B4GALT5: variants seen among roughly 807,000 people sequenced by gnomAD.
B4GALT5 encodes beta-1,4-galactosyltransferase 5.
In B4GALT5, 11 loss-of-function variants were observed where a neutral mutation model predicts 45.0. The observed-to-expected ratio is 0.24, with a 90% CI of 0.15 to 0.40. B4GALT5 has a LOEUF of 0.40. Ranked by LOEUF, B4GALT5 falls within the 10% of genes least tolerant of loss-of-function variation. The pLI, the probability that B4GALT5 is intolerant of heterozygous loss-of-function variation, is 1.00. For missense variants in B4GALT5, 337 were observed against 500.2 expected (o/e 0.67, Z 3.11); for synonymous variants, 185 against 182.9 (o/e 1.01, Z -0.09).
chr20:49,655,804 C>T (rs2085640194), intron 2 of B4GALT5, among the ~76,000 whole-genome samples: 1 of 151,918 alleles, frequency 6.6e-6, no homozygotes, highest in South Asian at 2.1e-4. Context: ...TGGCATGCTC[C>T]TGTAATCCCA....
Position 49,637,365 on chromosome 20 carries a change from C to T in B4GALT5, c.995G>A (p.Arg332Gln), listed in dbSNP as rs1460473478. The T allele has an allele frequency of 3.7e-6, 6 of 1,614,074 alleles. No individual in the cohort carries two copies. Among genetic ancestry groups the T allele is most frequent in the Non-Finnish European group, 4.2e-6 (5 of 1,179,998 alleles). The part of the protein sequence containing the change: ...GKYKSIPHHH[R>Q]GEVQFLGRYA... ...CCTTCCAAGAAACTGGACTTCTCCT[C>T]GATGGTGATGAGGAATGGACTTGTA... The change falls in exon 8 of 9, where the codon CGA becomes CAA. Residue 332 changes from arginine (R) to glutamine (Q), a missense_variant. By Grantham distance (43) the Arg-to-Gln change is conservative (BLOSUM62 1). Transcript: ENST00000371711.
intron 2 of B4GALT5, among the ~76,000 whole-genome samples, 182 bp from the exon 3 acceptor site, chr20:49,647,260 G>T (rs2085603069): frequency 6.6e-6 from 1 of 152,108 alleles, no homozygotes; most frequent in South Asian, 2.1e-4. Context: ...TCAGCCAAAT[G>T]GCAGATTTTA....
chr20:49,638,360 C>T (rs931259098), intron 7 of B4GALT5, among the ~76,000 whole-genome samples: 1 of 152,160 alleles, frequency 6.6e-6, no homozygotes, highest in African/African-American at 2.4e-5. Context: ...TTGTAATTAA[C>T]AACAAACACA....
At chr20:49,641,935 C>CAA (rs36119710) in intron 5 of B4GALT5, among the ~76,000 whole-genome samples, 7 of 142,578 alleles carry the variant, frequency 4.9e-5, no homozygotes, top group African/African-American at 1.8e-4. Flanking sequence ...TATGCAGGAC[C>CAA]AAAAAAAAAA....
chr20:49,688,892 G>A (rs1193336598), intron 1 of B4GALT5, among the ~76,000 whole-genome samples: 5 of 149,238 alleles, frequency 3.4e-5, no homozygotes, highest in African/African-American at 9.9e-5. Context: ...AGCCGAGATC[G>A]TGCCATTCCA....
At chr20:49,704,964 G>A (rs1288886684) in intron 1 of B4GALT5, among the ~76,000 whole-genome samples, 1 of 151,952 alleles carries the variant, frequency 6.6e-6, no homozygotes, top group Non-Finnish European at 1.5e-5. Flanking sequence ...ACAATACCCA[G>A]GGTCTAATAA....
intron 2 of B4GALT5, among the ~76,000 whole-genome samples, chr20:49,648,317 T>C (rs1031393705): frequency 1.3e-5 from 2 of 152,226 alleles, no homozygotes; most frequent in Non-Finnish European, 2.9e-5. Flanking sequence ...ACTGTGGTCA[T>C]GCCAGGTATC....
intron 1 of B4GALT5, among the ~76,000 whole-genome samples, chr20:49,683,547 T>A (rs1398101182): frequency 6.6e-6 from 1 of 151,796 alleles, no homozygotes; most frequent in Non-Finnish European, 1.5e-5. Context: ...GCACCCACCA[T>A]CATGCCCGGC....
chr20:49,640,362 G>T, intron 6 of B4GALT5, 116 bp downstream of exon 6: 1 of 877,738 alleles, frequency 1.1e-6, no homozygotes, highest in Non-Finnish European at 1.7e-6. Flanking sequence ...CACACATTTT[G>T]TTTATCCATC....
chr20:49,711,270 G>A (rs1378673770), intron 1 of B4GALT5, among the ~76,000 whole-genome samples: 4 of 152,086 alleles, frequency 2.6e-5, no homozygotes, highest in Non-Finnish European at 5.9e-5. Flanking sequence ...AGCTATCAGT[G>A]ATATAGGATT....
intron 1 of B4GALT5, among the ~76,000 whole-genome samples, chr20:49,665,576 A>G (rs2146341570): frequency 6.6e-6 from 1 of 151,520 alleles, no homozygotes; most frequent in South Asian, 2.1e-4. Context: ...TACAAACTGT[A>G]ATTCAGACAT....
In B4GALT5 at chr20:49,684,947, T is replaced by A. The variant is rs575745019; in HGVS notation, c.116-28245A>T. Reference sequence around the variant, plus strand: ...CAGGAAGTCACAGTTATTATTTGTATAAGCCTTTCAGTTTAGAGTAATTTT... The same window carrying A: ...CAGGAAGTCACAGTTATTATTTGTAAAAGCCTTTCAGTTTAGAGTAATTTT... On this transcript the variant is annotated intron_variant, in intron 1 of 8. Transcript: ENST00000371711. 3.3e-5 allele frequency among the ~76,000 whole-genome samples: 5 copies of A among 152,372 alleles called. No individual in the cohort carries two copies. The South Asian group carries it at 8.3e-4, about 25-fold the overall frequency.
intron 1 of B4GALT5, among the ~76,000 whole-genome samples, chr20:49,663,758 C>G (rs1219528269): frequency 1.5e-4 from 18 of 123,966 alleles, no homozygotes; most frequent in African/African-American, 5.3e-4. Context: ...AAACTAAATA[C>G]AAACACAAAC....
chr20:49,655,672 T>C (rs1016076011), intron 2 of B4GALT5, among the ~76,000 whole-genome samples: 2 of 152,092 alleles, frequency 1.3e-5, no homozygotes, highest in Middle Eastern at 3.4e-3. Context: ...CTTATGCCTG[T>C]AGTCCCAGCA....
intron 8 of B4GALT5, 47 bp downstream of exon 8, chr20:49,637,294 G>T (rs1212541659): frequency 1.3e-6 from 2 of 1,512,748 alleles, no homozygotes; most frequent in Middle Eastern, 1.7e-4. Context: ...ATCCGGACAT[G>T]AAAGTATAGG....
chr20:49,659,815 CTTTTTTTT>C (rs113286413), intron 1 of B4GALT5, among the ~76,000 whole-genome samples: 1 of 145,126 alleles, frequency 6.9e-6, no homozygotes, highest in East Asian at 2.0e-4. Flanking sequence ...TTCTTTTTTT[CTTTTTTTT>C]TTTTGAGACA....
intron 2 of B4GALT5, among the ~76,000 whole-genome samples, 165 bp downstream of exon 2, chr20:49,656,403 T>C (rs552879356): frequency 5.3e-5 from 8 of 152,348 alleles, no homozygotes; most frequent in South Asian, 2.1e-4. Flanking sequence ...TTAACAAAAA[T>C]GAACGAGGAT....
At chr20:49,680,536 T>C (rs956573950) in intron 1 of B4GALT5, among the ~76,000 whole-genome samples, 3 of 152,214 alleles carry the variant, frequency 2.0e-5, no homozygotes, top group Non-Finnish European at 4.4e-5. Flanking sequence ...TCCATTTATC[T>C]GAGGTACCCA....
chr20:49,655,127 T>C (rs1170593591), intron 2 of B4GALT5, among the ~76,000 whole-genome samples: 1 of 147,046 alleles, frequency 6.8e-6, no homozygotes, highest in Non-Finnish European at 1.5e-5. Context: ...TTAGATGCCA[T>C]CTCAAGAGAA....
Sources: gnomAD v4.1 joint callset for allele counts (sites outside exome capture counted in the v4.1 genomes callset) on GRCh38, gnomAD v4.1.1 for gene constraint, MANE v1.5 for transcripts, NCBI Gene and HGNC (gene_info 2026-07-23, HGNC 2026-07-21) for gene names.